Variants in DCC observed in about 807,000 individuals in gnomAD.
DCC encodes the protein DCC netrin 1 receptor.
Under a neutral mutation model 172.5 loss-of-function variants are expected in DCC, and 58 were observed. The ratio of observed to expected loss-of-function variants is 0.34; its 90% CI spans 0.27 to 0.42. The LOEUF is 0.42. Ranked by LOEUF, DCC falls within the 10% of genes least tolerant of loss-of-function variation. The pLI is 1.00. For missense variants in DCC, 1,740 were observed against 1,791.0 expected (o/e 0.97, Z 0.51); for synonymous variants, 709 against 644.5 (o/e 1.10, Z -1.52).
intron 5 of DCC, among the ~76,000 whole-genome samples, chr18:52,925,742 T>C (rs1456150278): frequency 1.3e-5 from 2 of 151,950 alleles, no homozygotes; most frequent in Non-Finnish European, 2.9e-5. Flanking sequence ...AGGCAGATGT[T>C]ATTTGAGATG....
intron 21 of DCC, among the ~76,000 whole-genome samples, chr18:53,426,765 C>T (rs1195623413): frequency 6.6e-6 from 1 of 152,070 alleles, no homozygotes; most frequent in East Asian, 1.9e-4. Flanking sequence ...ATGCTTAGCA[C>T]TGTGAATCTA....
intron 12 of DCC, among the ~76,000 whole-genome samples, chr18:53,239,418 T>C (rs1456735040): frequency 2.6e-5 from 4 of 152,158 alleles, no homozygotes; most frequent in East Asian, 1.9e-4. Flanking sequence ...CTTCCTTGTT[T>C]CCAGTTAATC....
chr18:52,623,356 G>T (rs1163139854), intron 1 of DCC, among the ~76,000 whole-genome samples: 1 of 152,122 alleles, frequency 6.6e-6, no homozygotes, highest in Admixed American at 6.5e-5. Context: ...AATAAAACGA[G>T]CATTAGGAAC....
At chr18:53,158,249 T>A (rs2054778652) in intron 8 of DCC, among the ~76,000 whole-genome samples, 2 of 152,186 alleles carry the variant, frequency 1.3e-5, no homozygotes, top group Admixed American at 6.5e-5. Flanking sequence ...TTGGTAGAAG[T>A]TGTTATTGTG....
At chr18:52,838,132 C>T (rs770254275) in intron 2 of DCC, among the ~76,000 whole-genome samples, 4 of 152,150 alleles carry the variant, frequency 2.6e-5, no homozygotes, top group Non-Finnish European at 2.9e-5. Context: ...CGCAGCCAAA[C>T]GATATCACTC....
intron 1 of DCC, among the ~76,000 whole-genome samples, chr18:52,667,708 T>C (rs1413864142): frequency 1.3e-5 from 2 of 152,216 alleles, no homozygotes; most frequent in East Asian, 3.9e-4. Context: ...GCTTACCAAC[T>C]GCTTCCCCTG....
chr18:52,807,127 G>T (rs578208792), intron 2 of DCC, among the ~76,000 whole-genome samples: 1 of 152,324 alleles, frequency 6.6e-6, no homozygotes, highest in Non-Finnish European at 1.5e-5. Context: ...CGCGGGAGGT[G>T]GAGGTTGCAG....
At chr18:53,144,520 T>G (rs1056463969) in intron 7 of DCC, among the ~76,000 whole-genome samples, 6 of 152,068 alleles carry the variant, frequency 3.9e-5, no homozygotes, top group African/African-American at 1.4e-4. Flanking sequence ...TCAGATGTCA[T>G]GAGACTTACT....
intron 2 of DCC, among the ~76,000 whole-genome samples, chr18:52,783,577 C>T (rs1052755790): frequency 4.0e-5 from 6 of 151,660 alleles, no homozygotes; most frequent in Admixed American, 3.9e-4. Context: ...ATTTCTGGTA[C>T]AGTCCTTGTT....
At chr18:52,779,961 A>T (rs2037504490) in intron 2 of DCC, among the ~76,000 whole-genome samples, 1 of 152,166 alleles carries the variant, frequency 6.6e-6, no homozygotes, top group South Asian at 2.1e-4. Flanking sequence ...TAAGATTTTG[A>T]TTGAAATGCA....
At chr18:52,866,292 T>C (rs2039227908) in intron 2 of DCC, among the ~76,000 whole-genome samples, 1 of 152,226 alleles carries the variant, frequency 6.6e-6, no homozygotes, top group Non-Finnish European at 1.5e-5. Context: ...TTGGTTACTG[T>C]AGCCTTACAG....
intron 1 of DCC, among the ~76,000 whole-genome samples, chr18:52,602,856 C>A (rs779002168): frequency 6.6e-5 from 10 of 151,986 alleles, no homozygotes; most frequent in Non-Finnish European, 1.5e-4. Flanking sequence ...TTGCTTTGCA[C>A]AATTAAAGGT....
chr18:53,312,439 C>T (rs1393995150), intron 13 of DCC, among the ~76,000 whole-genome samples: 1 of 151,142 alleles, frequency 6.6e-6, no homozygotes, highest in Non-Finnish European at 1.5e-5. Flanking sequence ...TAAAAGCTTT[C>T]CTGGCCAAAT....
intron 1 of DCC, among the ~76,000 whole-genome samples, chr18:52,501,962 G>C (rs2031039744): frequency 6.6e-6 from 1 of 152,172 alleles, no homozygotes; most frequent in African/African-American, 2.4e-5. Flanking sequence ...AGGGCCCACA[G>C]TTCGTAAATG....
chr18:53,341,862 C>A (rs2057663776), intron 15 of DCC, among the ~76,000 whole-genome samples: 3 of 152,076 alleles, frequency 2.0e-5, no homozygotes. Flanking sequence ...ATCAACACAT[C>A]AGTTTCCATA....
At chr18:53,101,992 C>T (rs1009510740) in intron 7 of DCC, among the ~76,000 whole-genome samples, 3 of 152,044 alleles carry the variant, frequency 2.0e-5, no homozygotes, top group East Asian at 3.9e-4. Flanking sequence ...ATGACAGACT[C>T]GGGAAAATAA....
At chr18:53,374,651 A>T (rs1426672252) in intron 15 of DCC, among the ~76,000 whole-genome samples, 1 of 152,188 alleles carries the variant, frequency 6.6e-6, no homozygotes, top group Non-Finnish European at 1.5e-5. Context: ...ACCATGACAT[A>T]TGCTAACATA....
chr18:53,247,429 T>C (rs182410124), intron 12 of DCC, among the ~76,000 whole-genome samples: 165 of 152,134 alleles, frequency 1.1e-3, no homozygotes, highest in African/African-American at 3.7e-3. Flanking sequence ...TTATAAATAG[T>C]GAAGATTATT....
At chr18:52,943,826 T>C (rs1016973112) in intron 5 of DCC, among the ~76,000 whole-genome samples, 1 of 152,190 alleles carries the variant, frequency 6.6e-6, no homozygotes, top group African/African-American at 2.4e-5. Context: ...CTTGGCTCAC[T>C]GTAGCTTCCG....
Sources: gnomAD v4.1 joint callset for allele counts (sites outside exome capture counted in the v4.1 genomes callset) on GRCh38, gnomAD v4.1.1 for gene constraint, MANE v1.5 for transcripts, NCBI Gene and HGNC (gene_info 2026-07-23, HGNC 2026-07-21) for gene names.